CRAMP1: variants seen among roughly 807,000 people sequenced by gnomAD.
CRAMP1 encodes protein cramped-like.
A neutral mutation model predicts 115.4 loss-of-function variants in CRAMP1; 50 were observed. The observed-to-expected ratio is 0.43, with a 90% CI of 0.35 to 0.55. CRAMP1 has a LOEUF of 0.55. CRAMP1 is among the 20% of genes least tolerant of loss of function. The pLI, the probability that CRAMP1 is intolerant of heterozygous loss-of-function variation, is 0.01. For synonymous variants in CRAMP1, 866 were observed against 745.4 expected (o/e 1.16, Z -2.64); for missense variants, 1,679 against 1,721.7 (o/e 0.98, Z 0.44).
intron 8 of CRAMP1, among the ~76,000 whole-genome samples, chr16:1,653,501 T>A (rs2142196105): frequency 6.6e-6 from 1 of 152,264 alleles, no homozygotes; most frequent in East Asian, 1.9e-4. Context: ...CAAGGCGCCA[T>A]CGTGGAAATG....
chr16:1,634,968 A>G (rs562911484), intron 4 of CRAMP1, among the ~76,000 whole-genome samples: 95 of 152,236 alleles, frequency 6.2e-4, no homozygotes, highest in African/African-American at 2.2e-3. Flanking sequence ...GCGCACTCTC[A>G]GCTCACTGTA....
At chr16:1,617,306 G>C (rs956442695) in intron 2 of CRAMP1, among the ~76,000 whole-genome samples, 21 of 152,266 alleles carry the variant, frequency 1.4e-4, no homozygotes, top group African/African-American at 4.3e-4. Context: ...AGTGCTTTGG[G>C]AGGCACTTCA....
Position 1,632,377 on chromosome 16 carries a change from A to G in CRAMP1, c.694+12A>G. The G allele has an allele frequency of 6.3e-7, 1 of 1,580,198 alleles. No homozygotes were observed. Among genetic ancestry groups the G allele is most frequent in the Non-Finnish European group, 8.6e-7 (1 of 1,163,336 alleles). On this transcript the variant is annotated intron_variant, in intron 4 of 20. Transcript: ENST00000397412. ...CGACTTTGATCATGGTGAGTGTGCC[A>G]CGGGCCAGGCTCGGGGGTGCCCACA...
chr16:1,616,158 A>G (rs111297224), intron 2 of CRAMP1, among the ~76,000 whole-genome samples: 144 of 152,332 alleles, frequency 9.5e-4, no homozygotes, highest in African/African-American at 3.4e-3. Context: ...CCTCATATGA[A>G]TTTATTTTGA....
chr16:1,673,492 C>G (rs76245010), intron 20 of CRAMP1, among the ~76,000 whole-genome samples: 3,341 of 152,288 alleles, frequency 0.022, 233 homozygotes, highest in Admixed American at 0.13. Context: ...AGCACCCTCT[C>G]TGGCCTCCTT....
chr16:1,646,981 T>G (rs954917624), intron 6 of CRAMP1: 1 of 701,938 alleles, frequency 1.4e-6, no homozygotes, highest in African/African-American at 1.7e-5. Context: ...CTGGACCTTC[T>G]GTTCTGTCAA....
chr16:1,628,298 G>T (rs563433619), intron 3 of CRAMP1, among the ~76,000 whole-genome samples: 1 of 152,368 alleles, frequency 6.6e-6, no homozygotes, highest in African/African-American at 2.4e-5. Flanking sequence ...TTGTTGCTCA[G>T]GCTGGAGCGC....
At chr16:1,646,174 T>C (rs1202269552) in intron 6 of CRAMP1, among the ~76,000 whole-genome samples, 2 of 152,216 alleles carry the variant, frequency 1.3e-5, no homozygotes, top group African/African-American at 4.8e-5. Flanking sequence ...CCCTTCCAAG[T>C]GGAGGGACCC....
chr16:1,669,156 A>G lies in CRAMP1; in HGVS notation c.3490A>G (p.Ser1164Gly). The change falls in exon 19 of 21, where the codon AGC (serine) becomes GGC (glycine). Residue 1164 changes from serine to glycine, a missense_variant. By Grantham distance (56) the Ser-to-Gly change is moderately conservative (BLOSUM62 0). This residue lies in a region of CRAMP1 where 709 missense variants were observed against 741.9 expected (regional missense o/e 0.96). Transcript: ENST00000397412. This position sits in a 1 kb window ranked among gnomAD's most constrained non-coding sequence, Gnocchi z 4.6. ...PSDSTDSSLS[S>G]LFASFISPEK... ...TGACTCCACCGACTCCTCGCTCAGC[A>G]GCCTGTTTGGTGAGTGTATGGGGAG... 1 of 1,601,244 alleles carries G rather than the reference A, an allele frequency of 6.2e-7. No homozygotes were observed. The highest frequency in any genetic ancestry group is 8.5e-7 in the Non-Finnish European group (1 of 1,173,264).
At chr16:1,629,576 C>T (rs982572666) in intron 3 of CRAMP1, among the ~76,000 whole-genome samples, 10 of 152,078 alleles carry the variant, frequency 6.6e-5, no homozygotes, top group African/African-American at 2.2e-4. Context: ...GTTAAGAACA[C>T]GTGAGCAGGA....
intron 3 of CRAMP1, among the ~76,000 whole-genome samples, chr16:1,631,214 T>C (rs533735247): frequency 6.6e-6 from 1 of 152,336 alleles, no homozygotes; most frequent in East Asian, 1.9e-4. Context: ...CGTGCAGTTA[T>C]TCTGTTACCT....
chr16:1,638,407 G>T (rs2036605575), intron 5 of CRAMP1, among the ~76,000 whole-genome samples: 1 of 152,210 alleles, frequency 6.6e-6, no homozygotes, highest in Non-Finnish European at 1.5e-5. Context: ...AGTCTCCCTT[G>T]GGTGTCTTTG....
At chr16:1,664,909 G>A in intron 13 of CRAMP1, 148 bp from the exon 14 acceptor site, 1 of 653,802 alleles carries the variant, frequency 1.5e-6, no homozygotes, top group Non-Finnish European at 2.8e-6. Context: ...TGTCTGAGCA[G>A]TCCCAGGTAC....
intron 2 of CRAMP1, among the ~76,000 whole-genome samples, chr16:1,625,156 G>A (rs1462849986): frequency 2.6e-5 from 4 of 152,136 alleles, no homozygotes; most frequent in East Asian, 1.9e-4. Flanking sequence ...CTCCCTCTGC[G>A]AGGAGGAACT....
chr16:1,659,250 C>G (rs1464055937), intron 10 of CRAMP1, among the ~76,000 whole-genome samples: 1 of 152,232 alleles, frequency 6.6e-6, no homozygotes, highest in Non-Finnish European at 1.5e-5. Flanking sequence ...GGCACCTCTT[C>G]CTGCAGCCTG....
chr16:1,657,098 TGA>T (rs2036783037), intron 10 of CRAMP1, 106 bp downstream of exon 10: 1 of 1,057,938 alleles, frequency 9.5e-7, no homozygotes. Flanking sequence ...GGGGTCCAGA[TGA>T]GAGAGACAGG....
At chr16:1,612,864 A>T (rs1006559895) in intron 1 of CRAMP1, among the ~76,000 whole-genome samples, 6 of 151,994 alleles carry the variant, frequency 3.9e-5, no homozygotes, top group Non-Finnish European at 8.8e-5. Context: ...TGCGCCTCCG[A>T]GAAAAGTCCG....
In CRAMP1 at chr16:1,668,075, C is replaced by T. The variant is rs758436453; in HGVS notation, c.3216C>T (p.Val1072=). 1.1e-5 allele frequency: 18 copies of T among 1,613,912 alleles called. No homozygotes were observed. Among genetic ancestry groups the T allele is most frequent in the South Asian group, 2.2e-5 (2 of 91,090 alleles). The part of the protein sequence containing the change: ...SSSTRLSPPD[V]SALLDISLPG... ...GCACCCGGCTGTCTCCACCAGACGT[C>T]TCTGCTCTGCTCGACATCTCCCTGC... The change falls in exon 18 of 21, where the codon GTC becomes GTT. Residue 1072 remains valine, a synonymous_variant. Transcript: ENST00000397412.
chr16:1,670,944 C>T (rs757207670), intron 20 of CRAMP1, 135 bp downstream of exon 20: 141 of 772,734 alleles, frequency 1.8e-4, no homozygotes, highest in Non-Finnish European at 2.6e-4. Flanking sequence ...CACGTCCACA[C>T]TCAGGTCCCT....
Sources: gnomAD v4.1 joint callset for allele counts (sites outside exome capture counted in the v4.1 genomes callset) on GRCh38, gnomAD v4.1.1 for gene constraint, gnomAD v4.1.1 regional missense constraint, Gnocchi (gnomAD v3.1) non-coding constraint, MANE v1.5 for transcripts, NCBI Gene and HGNC (gene_info 2026-07-23, HGNC 2026-07-21) for gene names.